Variants in RAMP1 observed in about 807,000 individuals in gnomAD.
RAMP1 encodes the protein receptor activity modifying protein 1.
RAMP1 carries 7 observed loss-of-function variants against 8.2 expected under a neutral mutation model. The observed-to-expected ratio is 0.85, with a 90% CI of 0.49 to 1.60. RAMP1 has a LOEUF of 1.60. RAMP1 is among the 40% of genes most tolerant of loss of function. The pLI is 0.00. For missense variants in RAMP1, 192 were observed against 202.4 expected (o/e 0.95, Z 0.31); for synonymous variants, 92 against 84.7 (o/e 1.09, Z -0.47).
intron 2 of RAMP1, among the ~76,000 whole-genome samples, chr2:237,891,317 A>AT (rs2062486508): frequency 1.3e-5 from 2 of 152,018 alleles, no homozygotes; most frequent in East Asian, 3.9e-4. Flanking sequence ...CGCCCGGCTG[A>AT]TTTTTTGTAT....
At chr2:237,898,818 C>G in intron 2 of RAMP1, among the ~76,000 whole-genome samples, 2 of 152,170 alleles carry the variant, frequency 1.3e-5, no homozygotes, top group African/African-American at 4.8e-5. Flanking sequence ...ACCTGACGCA[C>G]GCCAGGCCAG....
In RAMP1 at chr2:237,859,665, C is replaced by G. The variant is rs751563653; in HGVS notation, c.-11C>G. 4 of 1,479,370 alleles carry G rather than the reference C, an allele frequency of 2.7e-6. No individual in the cohort carries two copies. The African/African-American group carries it at 5.9e-5, about 22-fold the overall frequency. The allele number at this position is 1,479,370 out of a possible 1,614,324, so 91.6% of individuals were successfully genotyped here. A position where few individuals can be genotyped will look rare whatever the true frequency, so the allele number is the denominator to read the frequency against. The stretch of plus-strand genomic sequence containing the variant: ...GTGGCGAGCGGACTCGACTCGGCAC[C>G]GCTGTGCACCATGGCCCGGGCCCTG... On this transcript the variant is annotated 5_prime_UTR_variant, in exon 1 of 3. Transcript: ENST00000254661.
At chr2:237,886,831 C>G (rs60470436) in intron 2 of RAMP1, among the ~76,000 whole-genome samples, 11,820 of 152,228 alleles carry the variant, frequency 0.078, 1,507 homozygotes, top group African/African-American at 0.27. Context: ...GTCAGACATG[C>G]GGTGACGCTA....
chr2:237,884,562 G>T (rs565400904), intron 2 of RAMP1, among the ~76,000 whole-genome samples: 28 of 152,206 alleles, frequency 1.8e-4, no homozygotes, highest in Admixed American at 1.1e-3. Flanking sequence ...AGAGGGAAGG[G>T]GACACGCCTA....
intron 2 of RAMP1, among the ~76,000 whole-genome samples, chr2:237,902,473 TG>T (rs1332189832): frequency 1.3e-4 from 18 of 135,914 alleles, no homozygotes; most frequent in South Asian, 4.8e-4. Context: ...GCAGAGGGGG[TG>T]GGGGGAACAC....
intron 1 of RAMP1, chr2:237,859,986 C>T (rs1270097545): frequency 4.9e-6 from 2 of 405,268 alleles, no homozygotes; most frequent in African/African-American, 4.2e-5. Context: ...GGAGAGCGGG[C>T]ATTCTGGAAA....
rs189974431 is a variant in RAMP1, at chr2:237,905,858, A to G, written c.192-5670A>G. On this transcript the variant is annotated intron_variant, in intron 2 of 2. Transcript: ENST00000254661. ...AAACCCCATCTCTACTAAAAATACA[A>G]AAATTAGCCAGGCATGGTGGACCAT... 1.3e-4 allele frequency among the ~76,000 whole-genome samples: 20 copies of G among 152,116 alleles called. 1 individual carries two copies. The East Asian group carries it at 3.9e-3, about 29-fold the overall frequency.
At chr2:237,859,561 C>A, upstream of RAMP1, 1 of 713,916 alleles carries the variant, frequency 1.4e-6, no homozygotes, top group Non-Finnish European at 1.7e-6. Flanking sequence ...CCGCCTCCCA[C>A]CGCTCCCGCG....
At chr2:237,874,741 T>C in intron 1 of RAMP1, 5 of 961,338 alleles carry the variant, frequency 5.2e-6, no homozygotes, top group Non-Finnish European at 6.2e-6. Context: ...ATTTGACAAA[T>C]ATGAATGTGC....
At chr2:237,901,181 G>C (rs993210958) in intron 2 of RAMP1, among the ~76,000 whole-genome samples, 4 of 152,220 alleles carry the variant, frequency 2.6e-5, no homozygotes, top group African/African-American at 9.6e-5. Flanking sequence ...CTCACCTTCT[G>C]TCTGCGTCTC....
At chr2:237,888,862 C>T (rs2062461934) in intron 2 of RAMP1, among the ~76,000 whole-genome samples, 1 of 152,134 alleles carries the variant, frequency 6.6e-6, no homozygotes, top group Non-Finnish European at 1.5e-5. Context: ...ACCCCTGCCT[C>T]CCGGGTTCAA....
intron 2 of RAMP1, among the ~76,000 whole-genome samples, chr2:237,904,883 C>A (rs1290689609): frequency 6.6e-6 from 1 of 152,178 alleles, no homozygotes; most frequent in African/African-American, 2.4e-5. Flanking sequence ...TGACAGGGCC[C>A]AGGCTCAGAT....
chr2:237,904,309 C>T (rs547430040), intron 2 of RAMP1, among the ~76,000 whole-genome samples: 13 of 151,324 alleles, frequency 8.6e-5, no homozygotes, highest in African/African-American at 2.9e-4. Flanking sequence ...GTCCCAGCTA[C>T]TCGGGAGGCT....
In RAMP1 at chr2:237,863,226, T is replaced by C. The variant is rs73088688; in HGVS notation, c.52+3499T>C. 9.5e-3 allele frequency among the ~76,000 whole-genome samples: 1,442 copies of C among 152,186 alleles called. 20 individuals are homozygous for C. The highest frequency in any genetic ancestry group is 0.034 in the African/African-American group (1,393 of 41,534). On this transcript the variant is annotated intron_variant, in intron 1 of 2. Transcript: ENST00000254661. ...AGGGGAGCCCGGGCTACAGTGGCCC[T>C]GGTGGCTCCAGCACTTGCTGGACCA...
At chr2:237,874,956 G>C (rs766668463) in intron 1 of RAMP1, among the ~76,000 whole-genome samples, 3 of 152,174 alleles carry the variant, frequency 2.0e-5, no homozygotes, top group Non-Finnish European at 4.4e-5. Context: ...AGGAGGGCAG[G>C]TGGGACTGGG....
At chr2:237,883,864 C>T (rs1241858955) in intron 2 of RAMP1, among the ~76,000 whole-genome samples, 2 of 149,508 alleles carry the variant, frequency 1.3e-5, no homozygotes, top group South Asian at 2.1e-4. Flanking sequence ...GAGGCTCCTC[C>T]TCTGCACAGG....
rs568585692 is a variant in RAMP1 at position 237,890,021 on chromosome 2, C to T, written c.191+12659C>T. Among the ~76,000 whole-genome samples, 8 of 152,300 alleles carry T rather than the reference C, an allele frequency of 5.3e-5. No homozygotes were observed. The East Asian group carries it at 5.8e-4, about 11-fold the overall frequency. On this transcript the variant is annotated intron_variant, in intron 2 of 2. Coordinates refer to ENST00000254661, the MANE Select transcript of RAMP1 (RefSeq NM_005855.4). ...CCGCCTGCAGAAACCCCGCCGGCTGCGTCCCTCCTTCAGCGCTGTGAGCCT... is the reference window on the plus strand; with the variant it reads ...CCGCCTGCAGAAACCCCGCCGGCTGTGTCCCTCCTTCAGCGCTGTGAGCCT...
At chr2:237,890,975 TTTCCC>T (rs1331764532) in intron 2 of RAMP1, among the ~76,000 whole-genome samples, 1 of 152,158 alleles carries the variant, frequency 6.6e-6, no homozygotes, top group Admixed American at 6.5e-5. Context: ...CTTCCCCCCT[TTTCCC>T]TTTCTTAAAA....
At chr2:237,902,779 C>T (rs1363701452) in intron 2 of RAMP1, among the ~76,000 whole-genome samples, 3 of 152,220 alleles carry the variant, frequency 2.0e-5, no homozygotes, top group East Asian at 1.9e-4. Flanking sequence ...GATGCAGTGA[C>T]GCCAACATCT....
Sources: gnomAD v4.1 joint callset for allele counts (sites outside exome capture counted in the v4.1 genomes callset) on GRCh38, gnomAD v4.1.1 for gene constraint, MANE v1.5 for transcripts, NCBI Gene and HGNC (gene_info 2026-07-23, HGNC 2026-07-21) for gene names.